Variants in CSPP1 observed in about 807,000 individuals in gnomAD.
CSPP1 encodes centrosome and spindle pole associated protein 1, also known as centrosome and spindle pole-associated protein 1.
CSPP1 carries 126 observed loss-of-function variants against 164.4 expected under a neutral mutation model. The ratio of observed to expected loss-of-function variants is 0.77; its 90% CI spans 0.66 to 0.89. The LOEUF (loss-of-function observed/expected upper bound fraction) is 0.89, where lower values mean the gene tolerates loss of function less well. Among genes scored for constraint, CSPP1 ranks in the 40% least tolerant of loss-of-function variants. The probability of loss-of-function intolerance (pLI) is 0.00; values close to 1 mark genes in which losing one functional copy is unlikely to be tolerated. For synonymous variants in CSPP1, 472 were observed against 476.7 expected, an observed-to-expected ratio of 0.99 and a Z score of 0.13; for missense variants, 1,395 against 1,449.8, an observed-to-expected ratio of 0.96 and a Z score of 0.61.
In CSPP1 at chr8:67,118,232, C is replaced by T. The variant is rs1818308650; in HGVS notation, c.1497-16C>T. 1.9e-6 allele frequency: 3 copies of T among 1,608,044 alleles called. No individual in the cohort carries two copies. Among genetic ancestry groups the T allele is most frequent in the Admixed American group, 3.4e-5 (2 of 58,348 alleles). ...ATGAAATATGAGAGGAATTTTTCATCTTTCTTTTCATACAGGATTGCACCT... is the reference window on the plus strand; with the variant it reads ...ATGAAATATGAGAGGAATTTTTCATTTTTCTTTTCATACAGGATTGCACCT... On this transcript the variant is annotated splice_polypyrimidine_tract_variant and intron_variant, in intron 13 of 30. Coordinates refer to ENST00000678616, the MANE Select transcript of CSPP1 (RefSeq NM_001382391.1).
Position 67,172,540 on chromosome 8 carries a change from G to A in CSPP1, c.2953G>A (p.Glu985Lys), listed in dbSNP as rs763639767. The change falls in exon 25 of 31, where the codon GAG becomes AAG. Residue 985 changes from glutamate (E) to lysine (K), a missense_variant. Transcript: ENST00000678616. ...ATFQNVHDFN[E>K]LKDRDSETRV... ...TTTTCAGAATGTTCATGATTTTAAT[G>A]AGCTGAAAGATAGAGGTGAGTAGAT... 7.1e-5 allele frequency: 114 copies of A among 1,613,306 alleles called. No homozygotes were observed. Among genetic ancestry groups the A allele is most frequent in the Admixed American group, 1.7e-5 (1 of 59,974 alleles).
intron 28 of CSPP1, among the ~76,000 whole-genome samples, 196 bp downstream of exon 28, chr8:67,180,122 G>C (rs747943760): frequency 1.3e-5 from 2 of 152,036 alleles, no homozygotes; most frequent in Non-Finnish European, 2.9e-5. Context: ...AAAAGTCTTA[G>C]GAATAGTTGA....
At chr8:67,088,415 G>A (rs1810874133) in intron 4 of CSPP1, among the ~76,000 whole-genome samples, 1 of 151,716 alleles carries the variant, frequency 6.6e-6, no homozygotes, top group Non-Finnish European at 1.5e-5. Context: ...AGCTCCCGGA[G>A]TAGCTGGAAC....
Position 67,077,004 on chromosome 8 carries a change from A to C in CSPP1, c.199+423A>C, listed in dbSNP as rs1808065623. On this transcript the variant is annotated intron_variant, in intron 3 of 30. Transcript: ENST00000678616. ...TTTTAATTATTGATGATCATGTTGG[A>C]ATTGTAAAGAAGTTAATACTGTAGC... 2.6e-5 allele frequency among the ~76,000 whole-genome samples: 4 copies of C among 152,312 alleles called. No individual in the cohort carries two copies. In the South Asian group the frequency reaches 8.3e-4, roughly 32 times the overall value.
At chr8:67,081,853 TC>T (rs1488797083) in intron 3 of CSPP1, among the ~76,000 whole-genome samples, 1 of 152,180 alleles carries the variant, frequency 6.6e-6, no homozygotes, top group East Asian at 1.9e-4. Context: ...CTGGGGATCT[TC>T]CTGCCTCAAC....
intron 8 of CSPP1, among the ~76,000 whole-genome samples, chr8:67,105,623 A>C (rs554182175): frequency 5.3e-5 from 8 of 152,082 alleles, no homozygotes; most frequent in Admixed American, 1.3e-4. Flanking sequence ...ACCTCAGGCA[A>C]TCCACCCACG....
intron 3 of CSPP1, among the ~76,000 whole-genome samples, chr8:67,079,169 G>A (rs1270542635): frequency 6.6e-6 from 1 of 152,024 alleles, no homozygotes; most frequent in Non-Finnish European, 1.5e-5. Flanking sequence ...TGCTCACAGG[G>A]CTTTATTTAC....
At chr8:67,177,277 G>A (rs1407585803) in intron 26 of CSPP1, among the ~76,000 whole-genome samples, 2 of 152,098 alleles carry the variant, frequency 1.3e-5, no homozygotes, top group Non-Finnish European at 2.9e-5. Flanking sequence ...CCTGATCCAA[G>A]ATCTTTGCCT....
chr8:67,070,140 AAAT>A (rs1563475717), intron 1 of CSPP1, among the ~76,000 whole-genome samples: 1 of 152,094 alleles, frequency 6.6e-6, no homozygotes, highest in Non-Finnish European at 1.5e-5. Flanking sequence ...TTACTAGGAA[AAAT>A]CTTTCGTGAC....
chr8:67,094,119 GAA>G (rs71249416), intron 6 of CSPP1, among the ~76,000 whole-genome samples: 459 of 29,360 alleles, frequency 0.016, no homozygotes, highest in South Asian at 0.1. Flanking sequence ...GACCTGGTCT[GAA>G]AAAAAAAAAA....
At chr8:67,165,526 C>T (rs1055576014) in intron 24 of CSPP1, among the ~76,000 whole-genome samples, 9 of 152,210 alleles carry the variant, frequency 5.9e-5, no homozygotes, top group Non-Finnish European at 1.0e-4. Flanking sequence ...GTCTCCCAGT[C>T]TCCTCGGGTC....
chr8:67,118,731 T>G lies in CSPP1; in HGVS notation c.1619-12T>G. The G allele has an allele frequency of 6.3e-7, 1 of 1,579,056 alleles. No individual in the cohort carries two copies. Among genetic ancestry groups the G allele is most frequent in the Non-Finnish European group, 8.6e-7 (1 of 1,161,798 alleles). ...AAATAAACTTTTTTTGTTTTTTTGT[T>G]TTTTCTTTAAGATGGTTCAGGAATG... On this transcript the variant is annotated splice_polypyrimidine_tract_variant and intron_variant, in intron 14 of 30. Transcript: ENST00000678616.
intron 16 of CSPP1, among the ~76,000 whole-genome samples, chr8:67,133,017 CA>C (rs754194848): frequency 5.9e-5 from 9 of 152,088 alleles, no homozygotes; most frequent in Admixed American, 2.6e-4. Context: ...ACAGAATTAC[CA>C]ACCTTTTTTG....
chr8:67,126,677 C>T (rs530518142), intron 15 of CSPP1, among the ~76,000 whole-genome samples: 68 of 152,264 alleles, frequency 4.5e-4, no homozygotes, highest in Admixed American at 9.2e-4. Context: ...CCTCGGGCAT[C>T]CATATAATTG....
At chr8:67,103,943 T>C (rs982374791) in intron 8 of CSPP1, among the ~76,000 whole-genome samples, 1 of 152,124 alleles carries the variant, frequency 6.6e-6, no homozygotes, top group African/African-American at 2.4e-5. Flanking sequence ...ATAGCTTTTA[T>C]GCCTACTTTG....
At chr8:67,163,414 A>G (rs1828746309) in intron 22 of CSPP1, among the ~76,000 whole-genome samples, 1 of 152,128 alleles carries the variant, frequency 6.6e-6, no homozygotes, top group Admixed American at 6.5e-5. Flanking sequence ...AGGAAGTTGG[A>G]AAAAAGAATA....
chr8:67,124,647 C>A (rs1225599301), intron 15 of CSPP1, among the ~76,000 whole-genome samples: 2 of 151,892 alleles, frequency 1.3e-5, no homozygotes, highest in African/African-American at 2.4e-5. Flanking sequence ...ACTACAGGTG[C>A]ATACCACCAA....
At position 67,152,140 on chromosome 8, in the gene CSPP1, CAAGAA is replaced by C. The variant is rs1444312934; in HGVS notation, c.2129-1882_2129-1878del. ...TAATCTAAAATAAACTTTCTCAATA[CAAGAA>C]ATGATTCAAAGCCACCTAATTTTGT... On this transcript the variant is annotated intron_variant, in intron 18 of 30. Transcript: ENST00000678616. 1.1e-4 allele frequency among the ~76,000 whole-genome samples: 15 copies of C among 142,272 alleles called. No individual in the cohort carries two copies. The East Asian group carries it at 2.3e-3, about 22-fold the overall frequency. The allele number at this position is 142,272 out of a possible 152,430, so 93.3% of individuals were successfully genotyped here.
chr8:67,104,949 C>CATATATATATATAT (rs201503845), intron 8 of CSPP1, among the ~76,000 whole-genome samples: 63 of 83,198 alleles, frequency 7.6e-4, no homozygotes, highest in East Asian at 9.6e-4. Flanking sequence ...CTTACATGCA[C>CATATATATATATAT]ATATATATAT....
Sources: allele counts gnomAD v4.1 joint callset (sites outside exome capture counted in the v4.1 genomes callset), GRCh38; gene constraint gnomAD v4.1.1; transcripts MANE v1.5; gene names NCBI Gene and HGNC (gene_info 2026-07-23, HGNC 2026-07-21).